SLITRK5: variants seen among roughly 807,000 people sequenced by gnomAD.
SLITRK5 encodes the protein SLIT and NTRK like family member 5, also known as SLIT and NTRK-like protein 5.
SLITRK5 carries 23 observed loss-of-function variants against 56.2 expected under a neutral mutation model. The ratio of observed to expected loss-of-function variants is 0.41; its 90% CI spans 0.29 to 0.58. The LOEUF (loss-of-function observed/expected upper bound fraction) is 0.58, where lower values mean the gene tolerates loss of function less well. Among genes scored for constraint, SLITRK5 ranks in the 20% least tolerant of loss-of-function variants. SLITRK5 has a pLI of 0.30. For missense variants in SLITRK5, 1,289 were observed against 1,226.6 expected (o/e 1.05, Z -0.76); for synonymous variants, 637 against 531.8 (o/e 1.20, Z -2.72).
At position 87,679,336 on chromosome 13, in the gene SLITRK5, A is replaced by G. The variant is rs1397058298; in HGVS notation, c.*1071A>G. 6.0e-6 allele frequency: 1 copy of G among 167,068 alleles called. No homozygotes were observed. Among genetic ancestry groups the G allele is most frequent in the Non-Finnish European group, 1.5e-5 (1 of 68,120 alleles). The allele number at this position is 167,068 out of a possible 1,614,324, so 10.3% of individuals were successfully genotyped here. On this transcript the variant is annotated 3_prime_UTR_variant, in exon 2 of 2. Transcript: ENST00000683689. ...AAAGTATTTTTATTAATGAACCAAA[A>G]TGACATGTTCATTTGACTACTATTG...
rs1019435002 is a variant in SLITRK5 at position 87,671,564 on chromosome 13, T to C, written c.-654T>C. 6.6e-6 allele frequency among the ~76,000 whole-genome samples: 1 copy of C among 151,954 alleles called. No individual in the cohort carries two copies. The highest frequency in any genetic ancestry group is 1.5e-5 in the Non-Finnish European group (1 of 67,982). ...GGAAGACGCAACTTTCTCGGAGTTT[T>C]TTTTAGAGCCACCGGGCTGCCAGGA... On this transcript the variant is annotated 5_prime_UTR_variant, in exon 1 of 2. Transcript: ENST00000683689.
intron 1 of SLITRK5, chr13:87,673,498 A>T: frequency 1.6e-6 from 1 of 629,248 alleles, no homozygotes; most frequent in Non-Finnish European, 2.3e-6. Flanking sequence ...GGGGAAGCAC[A>T]GGGAGGGAGG....
rs906815603 is a variant in SLITRK5, at chr13:87,679,020, T to G, written c.*755T>G. 5 of 166,938 alleles carry G rather than the reference T, an allele frequency of 3.0e-5. No homozygotes were observed. Among genetic ancestry groups the G allele is most frequent in the Non-Finnish European group, 7.3e-5 (5 of 68,120 alleles). 10.3% of individuals were successfully genotyped at this position (166,938 alleles called of 1,614,324 possible). Reference sequence around the variant, plus strand: ...CTATTTTTATATGCACATTTAGCATTCCTCTTTCCTTCACTATTTAGCCTA... The same window carrying G: ...CTATTTTTATATGCACATTTAGCATGCCTCTTTCCTTCACTATTTAGCCTA... On this transcript the variant is annotated 3_prime_UTR_variant, in exon 2 of 2. Transcript: ENST00000683689.
In SLITRK5 at chr13:87,671,794, G is replaced by A. The variant is rs1877036772; in HGVS notation, c.-424G>A. On this transcript the variant is annotated 5_prime_UTR_variant, in exon 1 of 2. Coordinates refer to ENST00000683689, the MANE Select transcript of SLITRK5 (RefSeq NM_001384609.1). The stretch of plus-strand genomic sequence containing the variant: ...GCCTCTCAAATACTAATTAGGGGCC[G>A]CGGCGGCGGCGGGCTCGGCGCGGAG... Among the ~76,000 whole-genome samples, 8 of 152,106 alleles carry A rather than the reference G, an allele frequency of 5.3e-5. No individual in the cohort carries two copies. Among genetic ancestry groups the A allele is most frequent in the Admixed American group, 5.2e-4 (8 of 15,280 alleles).
At position 87,676,367 on chromosome 13, in the gene SLITRK5, C is replaced by T. The variant is rs148982030; in HGVS notation, c.979C>T (p.Pro327Ser). 4.0e-5 allele frequency: 65 copies of T among 1,613,986 alleles called. No homozygotes were observed. Among genetic ancestry groups the T allele is most frequent in the Non-Finnish European group, 5.1e-5 (60 of 1,180,018 alleles). The change falls in exon 2 of 2, where the codon CCT (proline) becomes TCT (serine). Residue 327 changes from proline to serine, a missense_variant. Coordinates refer to ENST00000683689, the MANE Select transcript of SLITRK5 (RefSeq NM_001384609.1). ...TTCTTCCTCTGCTGTTTACAAACCCCCTTTGAAGCCCCCTAAGGGGACTCG... is the reference window on the plus strand; with the variant it reads ...TTCTTCCTCTGCTGTTTACAAACCCTCTTTGAAGCCCCCTAAGGGGACTCG... ...ATSSSAVYKPPLKPPKGTRQP... is the reference protein window; with the variant it reads ...ATSSSAVYKPSLKPPKGTRQP...
In SLITRK5 at chr13:87,677,804, C is replaced by G; in HGVS notation, c.2416C>G (p.Gln806Glu). The change falls in exon 2 of 2, where the codon CAG becomes GAG. Residue 806 changes from glutamine to glutamate, a missense_variant. Physicochemically the swap from Gln to Glu is conservative, Grantham distance 29 (BLOSUM62 2). Coordinates refer to ENST00000683689, the MANE Select transcript of SLITRK5 (RefSeq NM_001384609.1). The surrounding 1 kb of genome is among the most constrained non-coding windows in gnomAD (Gnocchi z 4.7). ...QQPPPPPQQP[Q>E]QQPPPQLQLQ... Reference sequence around the variant, plus strand: ...GCCGCCGCCGCCACCGCAGCAGCCACAGCAGCAGCCCCCGCCGCAGCTGCA... The same window carrying G: ...GCCGCCGCCGCCACCGCAGCAGCCAGAGCAGCAGCCCCCGCCGCAGCTGCA... 1 of 1,609,522 alleles carries G rather than the reference C, an allele frequency of 6.2e-7. No homozygotes were observed. Among genetic ancestry groups the G allele is most frequent in the Non-Finnish European group, 8.5e-7 (1 of 1,178,186 alleles).
intron 1 of SLITRK5, chr13:87,672,853 AGGTGTG>A (rs1429584095): frequency 2.5e-4 from 31 of 124,714 alleles, no homozygotes; most frequent in African/African-American, 9.8e-4. Flanking sequence ...TTTGCAAAAG[AGGTGTG>A]TGTGTGTGTG....
rs769748813 is a variant in SLITRK5 at position 87,678,030 on chromosome 13, C to A, written c.2642C>A (p.Pro881Gln). The A allele has an allele frequency of 7.4e-6, 12 of 1,614,018 alleles. No homozygotes were observed. The highest frequency in any genetic ancestry group is 9.3e-6 in the Non-Finnish European group (11 of 1,179,972). Residue 881 changes from proline to glutamine, a missense_variant, in exon 2 of 2, where the codon CCG becomes CAG. Around this residue, in one of 3 missense-constraint regions of SLITRK5, gnomAD observed 985 missense variants for 906.0 expected, o/e 1.09. Transcript: ENST00000683689. ...AGCCTCCCGGAATATCCCAAATTCCCGTGCAGCCCCGCTGCTTACACTTTC... is the reference window on the plus strand; with the variant it reads ...AGCCTCCCGGAATATCCCAAATTCCAGTGCAGCCCCGCTGCTTACACTTTC... Reference protein sequence around the residue: ...GNSLPEYPKFPCSPAAYTFSP... With the variant: ...GNSLPEYPKFQCSPAAYTFSP...
intron 1 of SLITRK5, among the ~76,000 whole-genome samples, chr13:87,673,150 A>C (rs1467605452): frequency 6.6e-6 from 1 of 151,554 alleles, no homozygotes; most frequent in Non-Finnish European, 1.5e-5. Context: ...GTGATCCAGT[A>C]TCTAAATTCT....
In SLITRK5 at chr13:87,675,559, G is replaced by A; in HGVS notation, c.171G>A (p.Lys57=). 6.2e-7 allele frequency: 1 copy of A among 1,614,204 alleles called. No individual in the cohort carries two copies. The highest frequency in any genetic ancestry group is 8.5e-7 in the Non-Finnish European group (1 of 1,180,040). ...ACAATGCATGTCCTTGTGAGGAAAAGGACGGCATTTTAACTGTGAGCTGTG... is the reference window on the plus strand; with the variant it reads ...ACAATGCATGTCCTTGTGAGGAAAAAGACGGCATTTTAACTGTGAGCTGTG... ...ICDNACPCEE[K]DGILTVSCEN... The change falls in exon 2 of 2, where the codon AAG becomes AAA. Residue 57 remains lysine, a synonymous_variant. Coordinates refer to ENST00000683689, the MANE Select transcript of SLITRK5 (RefSeq NM_001384609.1).
At position 87,679,395 on chromosome 13, in the gene SLITRK5, T is replaced by G. The variant is rs1039887910; in HGVS notation, c.*1130T>G. ...TTTCGATTGTTTAACCAAACCCAGT[T>G]GCATTTGTACAGATCCACGTGTACT... On this transcript the variant is annotated 3_prime_UTR_variant, in exon 2 of 2. Coordinates refer to ENST00000683689, the MANE Select transcript of SLITRK5 (RefSeq NM_001384609.1). 1.2e-5 allele frequency: 2 copies of G among 167,006 alleles called. No homozygotes were observed. Among genetic ancestry groups the G allele is most frequent in the African/African-American group, 2.4e-5 (1 of 41,418 alleles). 10.3% of individuals were successfully genotyped at this position (167,006 alleles called of 1,614,324 possible).
chr13:87,675,461 A>C lies in SLITRK5; in HGVS notation c.73A>C (p.Thr25Pro). 1 of 1,614,108 alleles carries C rather than the reference A, an allele frequency of 6.2e-7. No homozygotes were observed. Among genetic ancestry groups the C allele is most frequent in the Non-Finnish European group, 8.5e-7 (1 of 1,180,008 alleles). ...AAAAATGCATAGCTGGATGCTGCAG[A>C]CTCTAGCGTTTGCTGTAACATCTCT... The part of the protein sequence containing the change: ...HRKMHSWMLQ[T>P]LAFAVTSLVL... Residue 25 changes from threonine to proline, a missense_variant, in exon 2 of 2, where the codon ACT becomes CCT. By Grantham distance (38) the Thr-to-Pro change is conservative. Transcript: ENST00000683689.
In SLITRK5 at chr13:87,677,762, C is replaced by T; in HGVS notation, c.2374C>T (p.Leu792=). The stretch of plus-strand genomic sequence containing the variant: ...GGTCACCTACAGCAGCAACCACCAC[C>T]TGCAGCAGCAGCAGCAGCCGCCGCC... The part of the protein sequence containing the change: ...LKVTYSSNHH[L]QQQQQPPPPP... Residue 792 remains leucine, a synonymous_variant, in exon 2 of 2, where the codon CTG becomes TTG. Transcript: ENST00000683689. This position sits in a 1 kb window ranked among gnomAD's most constrained non-coding sequence, Gnocchi z 4.7. 1 of 1,612,660 alleles carries T rather than the reference C, an allele frequency of 6.2e-7. No individual in the cohort carries two copies. Among genetic ancestry groups the T allele is most frequent in the East Asian group, 2.2e-5 (1 of 44,844 alleles).
intron 1 of SLITRK5, chr13:87,674,478 C>T: frequency 5.9e-6 from 5 of 841,194 alleles, no homozygotes; most frequent in Non-Finnish European, 7.2e-6. Flanking sequence ...TTTTTAAACT[C>T]TAGGCATCGG....
chr13:87,678,494 G>C lies in SLITRK5; in HGVS notation c.*229G>C. 1.8e-6 allele frequency: 1 copy of C among 564,478 alleles called. No individual in the cohort carries two copies. Among genetic ancestry groups the C allele is most frequent in the Non-Finnish European group, 3.2e-6 (1 of 312,178 alleles). The allele number at this position is 564,478 out of a possible 1,614,324, so 35.0% of individuals were successfully genotyped here. ...GGCACATCACTTTCTCTTCTTGCGT[G>C]TGGGGCAGGTGTGGAGAAGGGCTTT... On this transcript the variant is annotated 3_prime_UTR_variant, in exon 2 of 2. Transcript: ENST00000683689.
chr13:87,675,425 G>A lies in SLITRK5; in HGVS notation c.37G>A (p.Asp13Asn), dbSNP rs748050875. Residue 13 changes from aspartate to asparagine, a missense_variant, in exon 2 of 2, where the codon GAC (aspartate) becomes AAC (asparagine). This residue lies in a region of SLITRK5 where 291 missense variants were observed against 286.7 expected (regional missense o/e 1.02). Coordinates refer to ENST00000683689, the MANE Select transcript of SLITRK5 (RefSeq NM_001384609.1). ...CTGCCCCCCAGTAACTTTGGAACAG[G>A]ACCTTCACAGAAAAATGCATAGCTG... ...TCCPPVTLEQ[D>N]LHRKMHSWML... is the part of the protein sequence containing the mutation. 1.2e-6 allele frequency: 2 copies of A among 1,614,052 alleles called. No homozygotes were observed. Among genetic ancestry groups the A allele is most frequent in the Admixed American group, 1.7e-5 (1 of 60,002 alleles).
Position 87,678,588 on chromosome 13 carries a change from C to T in SLITRK5, c.*323C>T. 3.4e-6 allele frequency: 1 copy of T among 290,088 alleles called. No individual in the cohort carries two copies. The highest frequency in any genetic ancestry group is 6.8e-6 in the Non-Finnish European group (1 of 146,714). 18.0% of individuals were successfully genotyped at this position (290,088 alleles called of 1,614,324 possible). A position where few individuals can be genotyped will look rare whatever the true frequency, so the allele number is the denominator to read the frequency against. ...GTCATTTTTGTAGTGGTTGGAAGTG[C>T]TAAGAATGGTGGATGATGGCAGAGC... On this transcript the variant is annotated 3_prime_UTR_variant, in exon 2 of 2. Transcript: ENST00000683689.
rs991306343 is a variant in SLITRK5, at chr13:87,678,278, T to C, written c.*13T>C. ...TAGCCAGTTCTAAAAGCAAAGAAAC[T>C]CTCTTGGAGCTTTTGCATTTAAAAC... On this transcript the variant is annotated 3_prime_UTR_variant, in exon 2 of 2. Coordinates refer to ENST00000683689, the MANE Select transcript of SLITRK5 (RefSeq NM_001384609.1). The C allele has an allele frequency of 6.3e-6, 10 of 1,580,948 alleles. No homozygotes were observed. Among genetic ancestry groups the C allele is most frequent in the Non-Finnish European group, 8.6e-6 (10 of 1,162,686 alleles).
At chr13:87,673,603 G>T in intron 1 of SLITRK5, 1 of 1,027,028 alleles carries the variant, frequency 9.7e-7, no homozygotes, top group South Asian at 1.3e-5. Flanking sequence ...CTGGGGTGGG[G>T]ATGTTTTTGC....
Sources: gnomAD v4.1 joint callset for allele counts (sites outside exome capture counted in the v4.1 genomes callset) on GRCh38, gnomAD v4.1.1 for gene constraint, gnomAD v4.1.1 regional missense constraint, Gnocchi (gnomAD v3.1) non-coding constraint, MANE v1.5 for transcripts, NCBI Gene and HGNC (gene_info 2026-07-23, HGNC 2026-07-21) for gene names.